SLC25A48: variants seen among roughly 807,000 people sequenced by gnomAD.
The protein encoded by SLC25A48 is solute carrier family 25 member 48, also known as CTC-321K16.1.
Under a neutral mutation model 32.2 loss-of-function variants are expected in SLC25A48, and 29 were observed. That is an observed-to-expected ratio of 0.90 (90% CI 0.67 to 1.23). SLC25A48 has a LOEUF of 1.23. Among genes scored for constraint, SLC25A48 ranks in the 50% most tolerant of loss-of-function variants. The pLI is 0.00. For missense variants in SLC25A48, 399 were observed against 422.7 expected (o/e 0.94, Z 0.49); for synonymous variants, 164 against 172.3 (o/e 0.95, Z 0.38).
At chr5:135,829,555 G>A (rs1323328928) in intron 4 of SLC25A48, among the ~76,000 whole-genome samples, 1 of 152,140 alleles carries the variant, frequency 6.6e-6, no homozygotes, top group Non-Finnish European at 1.5e-5. Context: ...CACTGGGATG[G>A]TATTGGGGAA....
chr5:135,807,318 G>A (rs1757486307), intron 3 of SLC25A48, among the ~76,000 whole-genome samples: 1 of 141,786 alleles, frequency 7.1e-6, no homozygotes, highest in African/African-American at 2.5e-5. Context: ...TAATATCATA[G>A]CATGTTATCA....
Position 135,639,707 on chromosome 5 carries a change from A to C in SLC25A48, c.-521+4751A>C, listed in dbSNP as rs1170206936. 3.9e-5 allele frequency among the ~76,000 whole-genome samples: 6 copies of C among 152,362 alleles called. No individual in the cohort carries two copies. In the East Asian group the frequency reaches 1.2e-3, roughly 29 times the overall value. On this transcript the variant is annotated intron_variant, in intron 3 of 10. Coordinates refer to the SLC25A48 transcript ENST00000646290. ...AGGACCATGCTCTAGAGTAAAGTTC[A>C]TACCCTGAGACTAAGGAAAAAGAAA... is the stretch of plus-strand genomic sequence containing the variant.
intron 3 of SLC25A48, among the ~76,000 whole-genome samples, chr5:135,774,548 G>T (rs954461693): frequency 7.2e-5 from 11 of 151,776 alleles, no homozygotes; most frequent in African/African-American, 2.7e-4. Context: ...TCCAGGGAGG[G>T]AGAGAATGAT....
intron 3 of SLC25A48, among the ~76,000 whole-genome samples, chr5:135,642,596 T>G (rs148612555): frequency 9.2e-5 from 14 of 152,384 alleles, no homozygotes; most frequent in Admixed American, 3.9e-4. Flanking sequence ...TTTTCTTGGC[T>G]CTTATTCATT....
chr5:135,680,635 G>A (rs1753874164), intron 3 of SLC25A48, among the ~76,000 whole-genome samples: 1 of 152,210 alleles, frequency 6.6e-6, no homozygotes, highest in African/African-American at 2.4e-5. Context: ...AAGAGAGTGT[G>A]TGAAGGGGAA....
chr5:135,623,275 C>A (rs1434149623), intron 1 of SLC25A48, among the ~76,000 whole-genome samples: 1 of 152,178 alleles, frequency 6.6e-6, no homozygotes, highest in Non-Finnish European at 1.5e-5. Flanking sequence ...TAAGCTTTGT[C>A]TCCTCTTAAC....
At chr5:135,756,291 CTT>C (rs1299454727) in intron 3 of SLC25A48, among the ~76,000 whole-genome samples, 1 of 127,646 alleles carries the variant, frequency 7.8e-6, no homozygotes, top group African/African-American at 2.5e-5. Context: ...AAAATATCAT[CTT>C]TGTGATATTT....
intron 4 of SLC25A48, among the ~76,000 whole-genome samples, chr5:135,814,116 G>A (rs1438179456): frequency 6.6e-6 from 1 of 152,200 alleles, no homozygotes; most frequent in African/African-American, 2.4e-5. Flanking sequence ...CGCTGCAGTT[G>A]AGCCAGGTGT....
intron 3 of SLC25A48, among the ~76,000 whole-genome samples, chr5:135,718,416 C>T (rs897815937): frequency 2.0e-5 from 3 of 152,146 alleles, no homozygotes; most frequent in African/African-American, 7.2e-5. Context: ...TAGGTTGCAA[C>T]AATCTGGGAA....
chr5:135,800,616 G>T (rs1757297120), intron 3 of SLC25A48, among the ~76,000 whole-genome samples: 2 of 151,728 alleles, frequency 1.3e-5, no homozygotes, highest in Admixed American at 6.6e-5. Context: ...ACCCTCCCGG[G>T]TGATGTTGTT....
At chr5:135,627,516 G>A (rs148841152) in intron 1 of SLC25A48, among the ~76,000 whole-genome samples, 8 of 152,186 alleles carry the variant, frequency 5.3e-5, no homozygotes, top group Admixed American at 1.3e-4. Flanking sequence ...CTCTTTCCCC[G>A]TGTGGTCTTT....
intron 4 of SLC25A48, among the ~76,000 whole-genome samples, chr5:135,813,905 C>A (rs1757649978): frequency 1.3e-5 from 2 of 152,130 alleles, no homozygotes; most frequent in Non-Finnish European, 2.9e-5. Flanking sequence ...CAAGCCGGCT[C>A]TGGGTGATGA....
intron 1 of SLC25A48, among the ~76,000 whole-genome samples, chr5:135,622,198 G>T (rs1311217373): frequency 1.3e-5 from 2 of 152,224 alleles, no homozygotes; most frequent in African/African-American, 4.8e-5. Flanking sequence ...TGAGGACAGA[G>T]TGAAGTGGGC....
At chr5:135,635,430 A>C (rs1752676443) in intron 3 of SLC25A48, among the ~76,000 whole-genome samples, 1 of 152,228 alleles carries the variant, frequency 6.6e-6, no homozygotes, top group Non-Finnish European at 1.5e-5. Flanking sequence ...TAACACCAAC[A>C]ACAGCAACAA....
At chr5:135,746,018 C>G (rs1332520068) in intron 3 of SLC25A48, among the ~76,000 whole-genome samples, 1 of 152,138 alleles carries the variant, frequency 6.6e-6, no homozygotes, top group Non-Finnish European at 1.5e-5. Context: ...TCCATCCGTG[C>G]CACATCCTTT....
intron 3 of SLC25A48, among the ~76,000 whole-genome samples, chr5:135,716,961 C>A (rs902797742): frequency 6.6e-6 from 1 of 152,160 alleles, no homozygotes; most frequent in African/African-American, 2.4e-5. Context: ...CATTGTATAC[C>A]GGTTTATGTA....
At chr5:135,778,214 C>T (rs183458746) in intron 3 of SLC25A48, among the ~76,000 whole-genome samples, 15 of 151,446 alleles carry the variant, frequency 9.9e-5, no homozygotes, top group African/African-American at 3.2e-4. Flanking sequence ...AGGGCGTGTA[C>T]ACCCCCTGTG....
intron 4 of SLC25A48, among the ~76,000 whole-genome samples, chr5:135,857,407 A>G (rs1208821503): frequency 2.0e-5 from 3 of 152,254 alleles, no homozygotes; most frequent in Non-Finnish European, 4.4e-5. Flanking sequence ...CACCATTAGC[A>G]GCTGCCAATG....
intron 3 of SLC25A48, among the ~76,000 whole-genome samples, chr5:135,759,036 C>A (rs1243911835): frequency 1.3e-5 from 2 of 151,564 alleles, no homozygotes; most frequent in South Asian, 2.1e-4. Flanking sequence ...AGTGTTGACA[C>A]ACTATAATAT....
Sources: allele counts gnomAD v4.1 joint callset (sites outside exome capture counted in the v4.1 genomes callset), GRCh38; gene constraint gnomAD v4.1.1; transcripts MANE v1.5; gene names NCBI Gene and HGNC (gene_info 2026-07-23, HGNC 2026-07-21).